The following ABCA1 variants were observed in gnomAD, a reference collection of about 807,000 sequenced individuals.
The protein encoded by ABCA1 is phospholipid-transporting ATPase ABCA1.
In ABCA1, 133 loss-of-function variants were observed where a neutral mutation model predicts 262.5. The ratio of observed to expected loss-of-function variants is 0.51; its 90% CI spans 0.44 to 0.59. The LOEUF (loss-of-function observed/expected upper bound fraction) is 0.59. Among genes scored for constraint, ABCA1 ranks in the 20% least tolerant of loss-of-function variants. The pLI, the probability that ABCA1 is intolerant of heterozygous loss-of-function variation, is 0.00. For synonymous variants in ABCA1, 1,022 were observed against 1,043.5 expected (o/e 0.98, Z 0.40); for missense variants, 2,452 against 2,777.5 (o/e 0.88, Z 2.63).
chr9:104,858,689 G>A lies in ABCA1; in HGVS notation c.553C>T (p.Gln185Ter). 6.2e-7 allele frequency: 1 copy of A among 1,614,052 alleles called. No individual in the cohort carries two copies. The change falls in exon 7 of 50, where the codon CAA becomes TAA. Residue 185 changes from glutamine (Q) to a stop codon, truncating the protein, a stop_gained. Coordinates refer to ENST00000374736, the MANE Select transcript of ABCA1 (RefSeq NM_005502.4). LOFTEE classifies it high-confidence loss of function. ...CTTGTCAAATGTAACTGGTAGCCTT[G>A]CAAAAATACCTGGAAGCATTTCATG... ...ADVILHKVFL[Q>*]GYQLHLTSLC...
chr9:104,803,250 CT>C (rs1564099741), intron 33 of ABCA1, 33 bp downstream of exon 33: 6 of 1,611,982 alleles, frequency 3.7e-6, no homozygotes, highest in Non-Finnish European at 5.1e-6. Context: ...CATCCTCCCC[CT>C]GAGCTAAACG....
rs140757476 is a variant in ABCA1 at position 104,913,342 on chromosome 9, C to T, written c.-92-9571G>A. On this transcript the variant is annotated intron_variant, in intron 1 of 49. Coordinates refer to ENST00000374736, the MANE Select transcript of ABCA1 (RefSeq NM_005502.4). ...TTTGAATCCTGACTCTGCTACTCAC[C>T]AGCTCTGGAACCCTAGGGACTCTGA... 4.8e-3 allele frequency among the ~76,000 whole-genome samples: 733 copies of T among 152,252 alleles called. 7 individuals are homozygous for T. Among genetic ancestry groups the T allele is most frequent in the Middle Eastern group, 0.027 (8 of 294 alleles).
chr9:104,801,531 T>C (rs111601994), intron 34 of ABCA1, among the ~76,000 whole-genome samples: 1 of 151,428 alleles, frequency 6.6e-6, no homozygotes, highest in Non-Finnish European at 1.5e-5. Flanking sequence ...CTGAGAGCTT[T>C]TAAATCTCTG....
chr9:104,829,017 G>T lies in ABCA1; in HGVS notation c.2014C>A (p.Arg672=). 1 of 1,614,138 alleles carries T rather than the reference G, an allele frequency of 6.2e-7. No individual in the cohort carries two copies. The highest frequency in any genetic ancestry group is 8.5e-7 in the Non-Finnish European group (1 of 1,180,038). Residue 672 remains arginine, a synonymous_variant, in exon 15 of 50, where the codon CGG becomes AGG. Coordinates refer to ENST00000374736, the MANE Select transcript of ABCA1 (RefSeq NM_005502.4). ...EKEARLKETM[R]IMGLDNSILW... ...ATGCTGTTGTCCAGGCCCATGATCC[G>T]CATGGTCTCTTTCAGCCGTGCCTCC...
chr9:104,818,815 TG>T lies in ABCA1; in HGVS notation c.3309del (p.Ile1104SerfsTer15). On this transcript the variant is annotated frameshift_variant, in exon 23 of 50. Coordinates refer to ENST00000374736, the MANE Select transcript of ABCA1 (RefSeq NM_005502.4). LOFTEE classifies it high-confidence loss of function. ...ACACAGCACAGCTTCCCATGGGAGA[TG>T]ATGGCAATCCTGTCCCCCAGGACGT... ...EADVLGDRIAIISHGKLCCVG... is the reference protein window; with the variant it reads ...EADVLGDRIAXISHGKLCCVG... 1 of 1,614,028 alleles carries T rather than the reference TG, an allele frequency of 6.2e-7. No individual in the cohort carries two copies.
chr9:104,899,040 C>CCACT (rs1407460689), intron 2 of ABCA1, among the ~76,000 whole-genome samples: 2 of 152,204 alleles, frequency 1.3e-5, no homozygotes, highest in Non-Finnish European at 2.9e-5. Context: ...AGCTGCTTCA[C>CCACT]CACTATATAC....
intron 40 of ABCA1, 117 bp from the exon 41 acceptor site, chr9:104,793,417 C>G: frequency 7.2e-7 from 1 of 1,392,008 alleles, no homozygotes; most frequent in Non-Finnish European, 1.0e-6. Flanking sequence ...ACACAAATGG[C>G]TATCACCCAT....
In ABCA1 at chr9:104,818,831, C is replaced by A; in HGVS notation, c.3294G>T (p.Gly1098=). The part of the protein sequence containing the change: ...THHMDEADVL[G]DRIAIISHGK... ...CATGGGAGATGATGGCAATCCTGTC[C>A]CCCAGGACGTCCGCTTCATCCATGT... Residue 1098 remains glycine, a synonymous_variant, in exon 23 of 50, where the codon GGG becomes GGT. Coordinates refer to ENST00000374736, the MANE Select transcript of ABCA1 (RefSeq NM_005502.4). 1 of 1,614,008 alleles carries A rather than the reference C, an allele frequency of 6.2e-7. No homozygotes were observed. Among genetic ancestry groups the A allele is most frequent in the Non-Finnish European group, 8.5e-7 (1 of 1,180,034 alleles).
chr9:104,885,413 A>C (rs1401700255), intron 3 of ABCA1, among the ~76,000 whole-genome samples: 1 of 152,054 alleles, frequency 6.6e-6, no homozygotes, highest in Non-Finnish European at 1.5e-5. Flanking sequence ...ACTCTCCTCC[A>C]TCTGCCAAAC....
At chr9:104,798,377 G>A (rs775429421) in intron 37 of ABCA1, 44 bp downstream of exon 37, 1 of 1,600,094 alleles carries the variant, frequency 6.2e-7, no homozygotes, top group Non-Finnish European at 8.6e-7. Flanking sequence ...TCAATCCATG[G>A]CCCTGACAGA....
chr9:104,845,876 C>T (rs111379120), intron 7 of ABCA1, among the ~76,000 whole-genome samples: 1 of 152,086 alleles, frequency 6.6e-6, no homozygotes, highest in African/African-American at 2.4e-5. Context: ...CAACTCTGAC[C>T]GCAAATTCCC....
chr9:104,840,517 C>T lies in ABCA1; in HGVS notation c.816G>A (p.Leu272=). 6.2e-7 allele frequency: 1 copy of T among 1,610,994 alleles called. No homozygotes were observed. Among genetic ancestry groups the T allele is most frequent in the South Asian group, 1.1e-5 (1 of 90,908 alleles). The change falls in exon 9 of 50, where the codon CTG becomes CTA. Residue 272 remains leucine (L), a splice_region_variant and synonymous_variant. Coordinates refer to ENST00000374736, the MANE Select transcript of ABCA1 (RefSeq NM_005502.4). ...LHSLGTLAQE[L]FSMRSWSDMR... ...TGTCACTCCAGCTTCTCATGCTGAACAGCTGGCGTCAGGGATGGGGACAGA... is the reference window on the plus strand; with the variant it reads ...TGTCACTCCAGCTTCTCATGCTGAATAGCTGGCGTCAGGGATGGGGACAGA...
Position 104,809,556 on chromosome 9 carries a change from G to A in ABCA1, c.4184C>T (p.Ala1395Val), listed in dbSNP as rs756058081. The change falls in exon 30 of 50, where the codon GCT becomes GTT. Residue 1395 changes from alanine to valine, a missense_variant. Coordinates refer to ENST00000374736, the MANE Select transcript of ABCA1 (RefSeq NM_005502.4). ...NEQYTFVSND[A>V]PEDTGTLELL... ...TTCCAGGGTTCCCGTGTCCTCAGGA[G>A]CATCATTGCTGTGGGTACATGAGAG... 6.2e-7 allele frequency: 1 copy of A among 1,614,152 alleles called. No homozygotes were observed. Among genetic ancestry groups the A allele is most frequent in the Admixed American group, 1.7e-5 (1 of 60,028 alleles).
intron 23 of ABCA1, 23 bp downstream of exon 23, chr9:104,818,640 C>G: frequency 6.2e-7 from 1 of 1,609,296 alleles, no homozygotes; most frequent in Non-Finnish European, 8.5e-7. Flanking sequence ...CAACACCAGC[C>G]CAGCACCAAG....
chr9:104,876,084 G>A (rs547327321), intron 5 of ABCA1, among the ~76,000 whole-genome samples: 1 of 152,194 alleles, frequency 6.6e-6, no homozygotes, highest in African/African-American at 2.4e-5. Context: ...ATGTACAGTA[G>A]AGAGAGGCTA....
chr9:104,873,276 C>T (rs548570476), intron 5 of ABCA1, among the ~76,000 whole-genome samples: 313 of 152,364 alleles, frequency 2.1e-3, no homozygotes, highest in South Asian at 4.1e-3. Context: ...AGATGACACA[C>T]TGGGGTTCCA....
intron 5 of ABCA1, among the ~76,000 whole-genome samples, chr9:104,878,344 T>C (rs75906492): frequency 6.6e-6 from 1 of 152,234 alleles, no homozygotes; most frequent in Non-Finnish European, 1.5e-5. Context: ...AGGCACCCTG[T>C]AAGACTTCCT....
Position 104,818,758 on chromosome 9 carries a change from C to G in ABCA1, c.3367G>C (p.Gly1123Arg). ...GSSLFLKNQL[G>R]TGYYLTLVKK... ...ACCAAGGTCAGGTAGTAGCCTGTTC[C>G]CAGCTGGTTCTTCAGAAACAGGGAG... is the stretch of plus-strand genomic sequence containing the variant. The change falls in exon 23 of 50, where the codon GGA becomes CGA. Residue 1123 changes from glycine to arginine, a missense_variant. Gly to Arg is a moderately radical substitution (Grantham distance 125). Coordinates refer to ENST00000374736, the MANE Select transcript of ABCA1 (RefSeq NM_005502.4). 1 of 1,613,938 alleles carries G rather than the reference C, an allele frequency of 6.2e-7. No homozygotes were observed. Among genetic ancestry groups the G allele is most frequent in the Non-Finnish European group, 8.5e-7 (1 of 1,180,032 alleles).
Position 104,784,376 on chromosome 9 carries a change from A to G in ABCA1, c.6725T>C (p.Val2242Ala). 1 of 1,614,122 alleles carries G rather than the reference A, an allele frequency of 6.2e-7. No individual in the cohort carries two copies. The highest frequency in any genetic ancestry group is 1.3e-5 in the African/African-American group (1 of 75,048). ...DLSLHKNQTVVDVAVLTSFLQ... is the reference protein window; with the variant it reads ...DLSLHKNQTVADVAVLTSFLQ... ...AAAAGATGTGAGAACTGCAACGTCC[A>G]CTACTGTCTGGTTTTTGTGTAATGA... The change falls in exon 50 of 50, where the codon GTG becomes GCG. Residue 2242 changes from valine to alanine, a missense_variant. Physicochemically the swap from Val to Ala is moderately conservative, Grantham distance 64 (BLOSUM62 0). Around this residue, in one of 4 missense-constraint regions of ABCA1, gnomAD observed 752 missense variants for 944.5 expected, o/e 0.80. Transcript: ENST00000374736.
Sources: gnomAD v4.1 joint callset for allele counts (sites outside exome capture counted in the v4.1 genomes callset) on GRCh38, gnomAD v4.1.1 for gene constraint, gnomAD v4.1.1 regional missense constraint, MANE v1.5 for transcripts, NCBI Gene and HGNC (gene_info 2026-07-23, HGNC 2026-07-21) for gene names.